CDC42SE2: variants seen among roughly 807,000 people sequenced by gnomAD.
The protein encoded by CDC42SE2 is CDC42 small effector 2, also known as CDC42 small effector protein 2.
A neutral mutation model predicts 11.5 loss-of-function variants in CDC42SE2; 3 were observed. The observed-to-expected ratio is 0.26, with a 90% confidence interval of 0.12 to 0.67. CDC42SE2 has a LOEUF of 0.67. Among genes scored for constraint, CDC42SE2 ranks in the 30% least tolerant of loss-of-function variants. CDC42SE2 has a pLI of 0.80. For missense variants in CDC42SE2, 82 were observed against 106.8 expected (o/e 0.77, Z 1.02); for synonymous variants, 33 against 34.8 (o/e 0.95, Z 0.18).
chr5:131,294,142 C>T (rs1287835082), intron 1 of CDC42SE2, among the ~76,000 whole-genome samples: 2 of 152,046 alleles, frequency 1.3e-5, no homozygotes, highest in African/African-American at 4.8e-5. Flanking sequence ...GAAAAGTACG[C>T]ACAATATTGA....
In CDC42SE2 at chr5:131,392,788, G is replaced by C. The variant is rs562672574; in HGVS notation, c.*1697G>C. 6.6e-6 allele frequency: 1 copy of C among 152,422 alleles called. No individual in the cohort carries two copies. Among genetic ancestry groups the C allele is most frequent in the African/African-American group, 2.4e-5 (1 of 41,550 alleles). 9.4% of individuals were successfully genotyped at this position (152,422 alleles called of 1,614,324 possible). On this transcript the variant is annotated 3_prime_UTR_variant, in exon 5 of 5. Coordinates refer to ENST00000505065, the MANE Select transcript of CDC42SE2 (RefSeq NM_001375635.1). ...CTTCTTTTTAATGTTATGGTATCCA[G>C]TTGTTTCCAGTAGCAGTTTCTTGAA...
chr5:131,271,230 C>T (rs1756988935), intron 1 of CDC42SE2, among the ~76,000 whole-genome samples: 1 of 152,060 alleles, frequency 6.6e-6, no homozygotes, highest in African/African-American at 2.4e-5. Flanking sequence ...ACCAGAACTG[C>T]CCATGCTTTA....
chr5:131,296,684 A>G (rs538261238), intron 1 of CDC42SE2, among the ~76,000 whole-genome samples: 141 of 152,298 alleles, frequency 9.3e-4, no homozygotes, highest in African/African-American at 3.3e-3. Flanking sequence ...AACATCTGCA[A>G]CGTAAGGTCA....
intron 1 of CDC42SE2, among the ~76,000 whole-genome samples, chr5:131,303,746 A>C (rs1444760550): frequency 6.6e-6 from 1 of 152,234 alleles, no homozygotes; most frequent in East Asian, 1.9e-4. Context: ...GCCTGTACTC[A>C]TTCATTGGAG....
At chr5:131,337,383 G>C (rs1199494322) in intron 2 of CDC42SE2, among the ~76,000 whole-genome samples, 1 of 152,184 alleles carries the variant, frequency 6.6e-6, no homozygotes, top group African/African-American at 2.4e-5. Context: ...GCCCCTACTG[G>C]GGGGTGCCTC....
chr5:131,295,126 C>CA (rs71000989), intron 1 of CDC42SE2, among the ~76,000 whole-genome samples: 63,676 of 143,010 alleles, frequency 0.45, 16,562 homozygotes, highest in Non-Finnish European at 0.6. Context: ...GACTAAGTCT[C>CA]AAAAAAAAAA....
upstream of CDC42SE2, among the ~76,000 whole-genome samples, chr5:131,243,376 G>A (rs1006500970): frequency 1.4e-4 from 22 of 152,154 alleles, 1 homozygote; most frequent in Admixed American, 1.2e-3. Context: ...TCAGGAGCTC[G>A]AGACCATCCT....
At chr5:131,384,183 G>C (rs1750405791) in intron 3 of CDC42SE2, among the ~76,000 whole-genome samples, 2 of 152,218 alleles carry the variant, frequency 1.3e-5, no homozygotes, top group South Asian at 4.1e-4. Flanking sequence ...ATATTTCAAA[G>C]GAAAAGCGTC....
intron 1 of CDC42SE2, among the ~76,000 whole-genome samples, chr5:131,246,578 T>C (rs1231441528): frequency 2.0e-5 from 3 of 152,050 alleles, no homozygotes; most frequent in Non-Finnish European, 2.9e-5. Context: ...TTCATGTAGG[T>C]TGGTCCATAA....
At chr5:131,267,116 G>A (rs1440921577) in intron 1 of CDC42SE2, among the ~76,000 whole-genome samples, 6 of 148,264 alleles carry the variant, frequency 4.0e-5, no homozygotes, top group Admixed American at 1.4e-4. Flanking sequence ...GTGCAGTGGC[G>A]CGATCTCGGC....
At chr5:131,324,570 G>A (rs969869736) in intron 2 of CDC42SE2, among the ~76,000 whole-genome samples, 1 of 152,186 alleles carries the variant, frequency 6.6e-6, no homozygotes, top group African/African-American at 2.4e-5. Flanking sequence ...AGAAATCAGG[G>A]CAGGCACTGG....
intron 2 of CDC42SE2, among the ~76,000 whole-genome samples, chr5:131,350,396 C>T (rs1758977238): frequency 6.6e-6 from 1 of 151,352 alleles, no homozygotes; most frequent in Non-Finnish European, 1.5e-5. Context: ...TCACACCCTA[C>T]AAAATATTAA....
chr5:131,235,058 T>A, the CDC42SE2 span, among the ~76,000 whole-genome samples: 3 of 150,948 alleles, frequency 2.0e-5, no homozygotes, highest in African/African-American at 7.3e-5. Context: ...CTGGCTAAAT[T>A]TTTTGTAGTT....
At chr5:131,225,500 C>G in the CDC42SE2 span, among the ~76,000 whole-genome samples, 326 of 152,226 alleles carry the variant, frequency 2.1e-3, 1 homozygote, top group African/African-American at 7.7e-3. Flanking sequence ...AATTTACAAC[C>G]CCACAGGATC....
chr5:131,334,283 T>G (rs1489229441), intron 2 of CDC42SE2, among the ~76,000 whole-genome samples: 1 of 152,242 alleles, frequency 6.6e-6, no homozygotes, highest in African/African-American at 2.4e-5. Context: ...TTTGCATATG[T>G]TGAACCAGCC....
chr5:131,220,056 A>G, the CDC42SE2 span, among the ~76,000 whole-genome samples: 1 of 152,112 alleles, frequency 6.6e-6, no homozygotes, highest in Non-Finnish European at 1.5e-5. Context: ...TTTCATGCCA[A>G]TATGTTTGAT....
chr5:131,288,934 A>G (rs542448526), intron 1 of CDC42SE2, among the ~76,000 whole-genome samples: 115 of 152,218 alleles, frequency 7.6e-4, no homozygotes, highest in South Asian at 6.4e-3. Flanking sequence ...CAAATTGATT[A>G]CTTTTCTTTG....
chr5:131,301,781 G>C (rs1757688251), intron 1 of CDC42SE2, among the ~76,000 whole-genome samples: 1 of 150,808 alleles, frequency 6.6e-6, no homozygotes, highest in Non-Finnish European at 1.5e-5. Context: ...AATTAAAAAA[G>C]TTAAAAGTCC....
chr5:131,326,393 C>A (rs1758302397), intron 2 of CDC42SE2, among the ~76,000 whole-genome samples: 1 of 152,128 alleles, frequency 6.6e-6, no homozygotes, highest in South Asian at 2.1e-4. Context: ...CTAGTTTTAT[C>A]CCATTATTGT....
Sources: allele counts gnomAD v4.1 joint callset (sites outside exome capture counted in the v4.1 genomes callset), GRCh38; gene constraint gnomAD v4.1.1; transcripts MANE v1.5; gene names NCBI Gene and HGNC (gene_info 2026-07-23, HGNC 2026-07-21).